Variants in TENM2 observed in about 807,000 individuals in gnomAD.
TENM2 encodes the protein teneurin-2.
In TENM2, 52 loss-of-function variants were observed where a neutral mutation model predicts 245.2. That is an observed-to-expected ratio of 0.21 (90% CI 0.17 to 0.27). The LOEUF (loss-of-function observed/expected upper bound fraction) is 0.27, where lower values mean the gene tolerates loss of function less well. Ranked by LOEUF, TENM2 falls within the 10% of genes least tolerant of loss-of-function variation. TENM2 has a pLI of 1.00. For missense variants in TENM2, 3,046 were observed against 3,666.8 expected, an observed-to-expected ratio of 0.83 and a Z score of 4.37; for synonymous variants, 1,363 against 1,438.9, an observed-to-expected ratio of 0.95 and a Z score of 1.19.
chr5:166,997,268 A>G, the TENM2 span, among the ~76,000 whole-genome samples: 1 of 152,232 alleles, frequency 6.6e-6, no homozygotes, highest in Non-Finnish European at 1.5e-5. Flanking sequence ...AGAAGAACTG[A>G]TATTTATTGA....
chr5:167,223,661 G>A, the TENM2 span, among the ~76,000 whole-genome samples: 1 of 151,948 alleles, frequency 6.6e-6, no homozygotes. Context: ...AAACATGCTG[G>A]CGTCCTTTTG....
intron 2 of TENM2, 49 bp downstream of exon 4, chr5:167,375,522 G>A: frequency 6.7e-7 from 1 of 1,501,810 alleles, no homozygotes; most frequent in Non-Finnish European, 9.0e-7. Context: ...ACTGCACCAC[G>A]TGGGGCTTTG....
chr5:167,833,928 C>A (rs1034700268), intron 2 of TENM2, among the ~76,000 whole-genome samples: 3 of 152,256 alleles, frequency 2.0e-5, no homozygotes, highest in African/African-American at 7.2e-5. Context: ...AAGCCCATAC[C>A]TGAACTGTTA....
chr5:167,284,589 C>T (rs138692735), upstream of TENM2, among the ~76,000 whole-genome samples: 15 of 152,156 alleles, frequency 9.9e-5, no homozygotes, highest in Admixed American at 5.9e-4. Flanking sequence ...TTTACTGTAT[C>T]GAGTTCTTCT....
At chr5:167,195,252 G>A in the TENM2 span, among the ~76,000 whole-genome samples, 1 of 152,000 alleles carries the variant, frequency 6.6e-6, no homozygotes, top group East Asian at 1.9e-4. Context: ...TCCTATCTGG[G>A]AGTGGTGACA....
At chr5:168,032,177 C>T (rs1408102724) in intron 5 of TENM2, among the ~76,000 whole-genome samples, 1 of 152,188 alleles carries the variant, frequency 6.6e-6, no homozygotes, top group African/African-American at 2.4e-5. Flanking sequence ...CATAGTTAAG[C>T]TAAACCATGT....
At chr5:168,223,923 G>A (rs1581680229) in intron 23 of TENM2, among the ~76,000 whole-genome samples, 2 of 150,230 alleles carry the variant, frequency 1.3e-5, no homozygotes. Flanking sequence ...ACCCCTCCCT[G>A]AAAAAAAAAG....
At chr5:168,256,881 G>A (rs1045635169) in intron 27 of TENM2, among the ~76,000 whole-genome samples, 2 of 152,164 alleles carry the variant, frequency 1.3e-5, no homozygotes, top group East Asian at 1.9e-4. Flanking sequence ...CAATGTCAAC[G>A]TTAAATACCT....
the TENM2 span, among the ~76,000 whole-genome samples, chr5:166,985,143 G>A: frequency 6.6e-6 from 1 of 151,958 alleles, no homozygotes; most frequent in Non-Finnish European, 1.5e-5. Flanking sequence ...ATTCATTTTG[G>A]GTTTTTCTCA....
At chr5:167,645,101 G>A (rs1159013273) in intron 2 of TENM2, among the ~76,000 whole-genome samples, 1 of 152,112 alleles carries the variant, frequency 6.6e-6, no homozygotes, top group African/African-American at 2.4e-5. Context: ...ATAATTTCAT[G>A]GGATTACTGT....
the TENM2 span, among the ~76,000 whole-genome samples, chr5:167,277,823 C>A: frequency 7.9e-6 from 1 of 126,696 alleles, no homozygotes; most frequent in East Asian, 2.9e-4. Context: ...ATTGCCATGT[C>A]CATGTCCTCT....
At chr5:168,237,043 C>A (rs535097276) in intron 25 of TENM2, among the ~76,000 whole-genome samples, 7 of 83,954 alleles carry the variant, frequency 8.3e-5, no homozygotes, top group African/African-American at 2.7e-4. Flanking sequence ...TGAGACAGAG[C>A]CTTGCCCTGT....
intron 10 of TENM2, among the ~76,000 whole-genome samples, chr5:168,122,877 T>G (rs775927372): frequency 5.9e-5 from 9 of 152,214 alleles, no homozygotes; most frequent in Non-Finnish European, 1.3e-4. Context: ...TTTGGAAACT[T>G]CATGGAATAT....
At chr5:167,321,827 G>C (rs1581739978) in intron 1 of TENM2, among the ~76,000 whole-genome samples, 1 of 83,900 alleles carries the variant, frequency 1.2e-5, no homozygotes, top group African/African-American at 4.6e-5. Flanking sequence ...GGGGGGGGTG[G>C]ATGGAGTCAC....
the TENM2 span, among the ~76,000 whole-genome samples, chr5:167,173,081 T>C: frequency 2.6e-5 from 4 of 152,304 alleles, no homozygotes; most frequent in East Asian, 7.7e-4. Flanking sequence ...TCCTTCTTAC[T>C]TAAGACTGTG....
At chr5:168,216,776 G>C in exon 22 of TENM2, 3 of 1,613,842 alleles carry the variant, frequency 1.9e-6, no homozygotes, top group Non-Finnish European at 2.5e-6. Flanking sequence ...AGGTATTGCA[G>C]TAGACAAGAA....
At chr5:167,696,037 A>G (rs111839212) in intron 2 of TENM2, among the ~76,000 whole-genome samples, 5,713 of 152,030 alleles carry the variant, frequency 0.038, 123 homozygotes, top group Middle Eastern at 0.061. Context: ...CCGTCAAAAA[A>G]AAACAAAAAA....
chr5:167,632,750 G>A (rs1054980349), intron 2 of TENM2, among the ~76,000 whole-genome samples: 1 of 152,110 alleles, frequency 6.6e-6, no homozygotes, highest in Non-Finnish European at 1.5e-5. Context: ...CTGGCACAAA[G>A]TAGGCACTAT....
Position 167,855,911 on chromosome 5 carries a change from G to A in TENM2, c.503-20075G>A, listed in dbSNP as rs546530978. Among the ~76,000 whole-genome samples the A allele has an allele frequency of 1.7e-3, 237 of 137,480 alleles. 1 individual carries two copies. Among genetic ancestry groups the A allele is most frequent in the African/African-American group, 6.1e-3 (227 of 37,504 alleles). The allele number at this position is 137,480 out of a possible 152,430, so 90.2% of individuals were successfully genotyped here. On this transcript the variant is annotated intron_variant, in intron 2 of 28. Coordinates refer to ENST00000518659, the Ensembl canonical transcript of TENM2. ...GGAAGGAGGGAGGGAGGGAGGGAAT[G>A]AGGGAGGGAGGAAGGAAGGGAGGAA...
Sources: allele counts gnomAD v4.1 joint callset (sites outside exome capture counted in the v4.1 genomes callset), GRCh38; gene constraint gnomAD v4.1.1; transcripts MANE v1.5; gene names NCBI Gene and HGNC (gene_info 2026-07-23, HGNC 2026-07-21).